Variants in ZNF676 observed in about 807,000 individuals in gnomAD.
ZNF676 encodes the protein zinc finger protein 676.
In ZNF676, 4 loss-of-function variants were observed where a neutral mutation model predicts 6.0. The ratio of observed to expected loss-of-function variants is 0.67; its 90% confidence interval spans 0.33 to 1.53. The LOEUF is 1.53. Among genes scored for constraint, ZNF676 ranks in the 40% most tolerant of loss-of-function variants. The probability of loss-of-function intolerance (pLI) is 0.06; values close to 1 mark genes in which losing one functional copy is unlikely to be tolerated. For synonymous variants in ZNF676, 198 were observed against 223.1 expected (o/e 0.89, Z 1.00); for missense variants, 644 against 679.7 (o/e 0.95, Z 0.58).
the ZNF676 span, among the ~76,000 whole-genome samples, chr19:22,230,198 G>A: frequency 6.6e-6 from 1 of 152,114 alleles, no homozygotes; most frequent in Non-Finnish European, 1.5e-5. Flanking sequence ...GTTCTTTGCA[G>A]GGACATGGAT....
chr19:22,201,909 T>C (rs1223093647), upstream of ZNF676, among the ~76,000 whole-genome samples: 3 of 152,164 alleles, frequency 2.0e-5, no homozygotes, highest in Middle Eastern at 3.2e-3. Context: ...TTAAAGCTAC[T>C]TGTGGCAATA....
the ZNF676 span, among the ~76,000 whole-genome samples, chr19:22,253,097 C>T: frequency 2.0e-5 from 3 of 152,108 alleles, no homozygotes; most frequent in Non-Finnish European, 4.4e-5. Context: ...GAGTCAAAGC[C>T]TCACAGATAT....
intron 1 of ZNF676, among the ~76,000 whole-genome samples, chr19:22,215,406 C>T (rs1169137830): frequency 2.6e-5 from 4 of 152,166 alleles, no homozygotes; most frequent in Non-Finnish European, 2.9e-5. Context: ...GCAGAGCTGC[C>T]CCAAGAGGGC....
chr19:22,210,769 ATAC>A (rs1422568043), intron 1 of ZNF676, among the ~76,000 whole-genome samples: 2 of 152,174 alleles, frequency 1.3e-5, no homozygotes, highest in Non-Finnish European at 2.9e-5. Flanking sequence ...TCAACATAAA[ATAC>A]TTCTTAATCA....
intron 1 of ZNF676, among the ~76,000 whole-genome samples, chr19:22,215,063 AC>A (rs200788045): frequency 1.8e-5 from 2 of 109,466 alleles, no homozygotes; most frequent in Admixed American, 9.2e-5. Flanking sequence ...AAAAAAAACA[AC>A]AAAAAACCAG....
At chr19:22,253,372 G>GTATA in the ZNF676 span, among the ~76,000 whole-genome samples, 6 of 90,822 alleles carry the variant, frequency 6.6e-5, no homozygotes, top group East Asian at 3.9e-4. Flanking sequence ...GTGTGTGTGT[G>GTATA]TATATATATA....
intron 1 of ZNF676, among the ~76,000 whole-genome samples, chr19:22,209,308 T>C (rs966986804): frequency 1.3e-5 from 2 of 148,430 alleles, no homozygotes; most frequent in African/African-American, 5.0e-5. Context: ...CATGACATCA[T>C]GAAATACTGT....
intron 1 of ZNF676, among the ~76,000 whole-genome samples, chr19:22,208,947 T>G (rs2024102865): frequency 6.6e-6 from 1 of 150,748 alleles, no homozygotes; most frequent in South Asian, 2.1e-4. Context: ...TCTCCAAAAA[T>G]AACAAAAAAT....
the ZNF676 span, among the ~76,000 whole-genome samples, chr19:22,239,638 G>A: frequency 6.6e-6 from 1 of 152,162 alleles, no homozygotes; most frequent in Non-Finnish European, 1.5e-5. Context: ...GACTGCCAGA[G>A]GGCTTTATGT....
chr19:22,234,970 AAG>A, the ZNF676 span, among the ~76,000 whole-genome samples: 1 of 30,222 alleles, frequency 3.3e-5, no homozygotes, highest in African/African-American at 1.6e-4. Context: ...AAGAGAAAGA[AAG>A]AAAGAAAGAA....
chr19:22,236,765 T>C, the ZNF676 span, among the ~76,000 whole-genome samples: 1 of 152,226 alleles, frequency 6.6e-6, no homozygotes, highest in Non-Finnish European at 1.5e-5. Flanking sequence ...AGGAATGTAG[T>C]AGGTTTCCTA....
the ZNF676 span, among the ~76,000 whole-genome samples, chr19:22,232,055 C>T: frequency 6.6e-6 from 1 of 151,964 alleles, no homozygotes; most frequent in African/African-American, 2.4e-5. Context: ...GTGTTTTGTG[C>T]AAGTGTGTGT....
At chr19:22,215,179 A>G (rs998907011) in intron 1 of ZNF676, among the ~76,000 whole-genome samples, 2 of 152,148 alleles carry the variant, frequency 1.3e-5, no homozygotes, top group African/African-American at 4.8e-5. Context: ...ATAAACTACA[A>G]TCCATAGTTG....
chr19:22,247,659 C>T, the ZNF676 span, among the ~76,000 whole-genome samples: 13 of 151,976 alleles, frequency 8.6e-5, no homozygotes, highest in East Asian at 2.3e-3. Flanking sequence ...GTGGCTCATG[C>T]CTGTAATCCC....
intron 1 of ZNF676, among the ~76,000 whole-genome samples, chr19:22,206,157 T>C (rs761813797): frequency 5.9e-5 from 9 of 151,702 alleles, no homozygotes; most frequent in Non-Finnish European, 1.2e-4. Context: ...GCCTACCAAC[T>C]AAATGAAGCT....
the ZNF676 span, among the ~76,000 whole-genome samples, chr19:22,237,609 G>A: frequency 1.3e-5 from 2 of 152,132 alleles, no homozygotes; most frequent in Non-Finnish European, 2.9e-5. Context: ...TATTTTGCCT[G>A]GCAACTTTCT....
chr19:22,202,010 TA>T (rs2024030891), intron 1 of ZNF676, among the ~76,000 whole-genome samples: 2 of 152,142 alleles, frequency 1.3e-5, no homozygotes, highest in African/African-American at 4.8e-5. Flanking sequence ...CTTTGATAAC[TA>T]AAAGGACTTG....
chr19:22,194,343 G>T (rs984660734), intron 1 of ZNF676, among the ~76,000 whole-genome samples: 4 of 141,514 alleles, frequency 2.8e-5, no homozygotes, highest in African/African-American at 1.1e-4. Context: ...AATGCAGATT[G>T]CAAGTGTGCA....
In ZNF676 at chr19:22,180,149, T is replaced by C. The variant is rs1196862836; in HGVS notation, c.1568A>G (p.His523Arg). 9 of 1,613,866 alleles carry C rather than the reference T, an allele frequency of 5.6e-6. No homozygotes were observed. Among genetic ancestry groups the C allele is most frequent in the Non-Finnish European group, 7.6e-6 (9 of 1,179,958 alleles). Reference protein sequence around the residue: ...AFSWSSILTEHKIIHTGEKPY... With the variant: ...AFSWSSILTERKIIHTGEKPY... ...TTTCTCTCCAGTATGAATTATCTTA[T>C]GTTCAGTAAGGATCGAGGACCAGCT... Residue 523 changes from histidine to arginine, a missense_variant, in exon 3 of 3, where the codon CAT becomes CGT. Physicochemically the swap from His to Arg is conservative, Grantham distance 29. This residue lies in a region of ZNF676 where 306 missense variants were observed against 265.4 expected (regional missense o/e 1.15). Coordinates refer to ENST00000397121, the MANE Select transcript of ZNF676 (RefSeq NM_001001411.3).
Sources: allele counts gnomAD v4.1 joint callset (sites outside exome capture counted in the v4.1 genomes callset), GRCh38; gene constraint gnomAD v4.1.1; regional missense constraint gnomAD v4.1.1; transcripts MANE v1.5; gene names NCBI Gene and HGNC (gene_info 2026-07-23, HGNC 2026-07-21).